The following TCF12 variants were observed in gnomAD, a reference collection of about 807,000 sequenced individuals.
The protein encoded by TCF12 is transcription factor 12, also known as DNA-binding protein HTF4.
A neutral mutation model predicts 86.0 loss-of-function variants in TCF12; 45 were observed. The ratio of observed to expected loss-of-function variants is 0.52; its 90% confidence interval spans 0.41 to 0.67. The LOEUF is 0.67. Ranked by LOEUF, TCF12 falls within the 30% of genes least tolerant of loss-of-function variation. TCF12 has a pLI of 0.00. For synonymous variants in TCF12, 330 were observed against 299.6 expected, an observed-to-expected ratio of 1.10 and a Z score of -1.05; for missense variants, 881 against 859.9, an observed-to-expected ratio of 1.02 and a Z score of -0.31.
intron 3 of TCF12, among the ~76,000 whole-genome samples, chr15:57,026,618 A>G (rs7175983): frequency 0.049 from 7,467 of 152,272 alleles, 383 homozygotes; most frequent in African/African-American, 0.13. Context: ...TTTGCTTTGT[A>G]TGACTCTGCT....
intron 5 of TCF12, among the ~76,000 whole-genome samples, chr15:57,101,623 C>G (rs2049761738): frequency 6.6e-6 from 1 of 152,172 alleles, no homozygotes; most frequent in South Asian, 2.1e-4. Flanking sequence ...GCATATGCAC[C>G]CACACACATA....
At chr15:57,215,678 G>A (rs1295082357) in intron 8 of TCF12, among the ~76,000 whole-genome samples, 1 of 152,126 alleles carries the variant, frequency 6.6e-6, no homozygotes, top group East Asian at 1.9e-4. Flanking sequence ...ACTGGCCTAT[G>A]TTAACTAATT....
chr15:57,128,265 A>C (rs1172189237), intron 5 of TCF12, among the ~76,000 whole-genome samples: 1 of 152,202 alleles, frequency 6.6e-6, no homozygotes, highest in Non-Finnish European at 1.5e-5. Flanking sequence ...AGATGACGAG[A>C]AACAGGTAGC....
At chr15:57,219,701 T>A in intron 8 of TCF12, 1 of 892,264 alleles carries the variant, frequency 1.1e-6, no homozygotes, top group Admixed American at 3.0e-5. Context: ...TTTTATGCAA[T>A]GTATTAGATT....
intron 4 of TCF12, among the ~76,000 whole-genome samples, chr15:57,070,203 T>A (rs1286617880): frequency 6.6e-6 from 1 of 151,930 alleles, no homozygotes; most frequent in Admixed American, 6.6e-5. Context: ...TTTTTTTTTA[T>A]TAAGGGATAG....
intron 3 of TCF12, among the ~76,000 whole-genome samples, chr15:56,982,347 C>A (rs1304901239): frequency 6.6e-6 from 1 of 152,104 alleles, no homozygotes; most frequent in African/African-American, 2.4e-5. Flanking sequence ...TAAAATGCTC[C>A]AAACAAGGTT....
intron 3 of TCF12, among the ~76,000 whole-genome samples, chr15:57,010,761 TC>T (rs1249547581): frequency 6.6e-6 from 1 of 152,172 alleles, no homozygotes; most frequent in African/African-American, 2.4e-5. Context: ...CCAGTCTAGT[TC>T]TAGAAAATGT....
chr15:57,290,479 T>C (rs528009288), downstream of TCF12, among the ~76,000 whole-genome samples: 1 of 152,238 alleles, frequency 6.6e-6, no homozygotes, highest in East Asian at 1.9e-4. Context: ...TTAGGAGATG[T>C]ACCTGTGAAA....
chr15:57,195,935 T>C (rs2057243357), intron 7 of TCF12, among the ~76,000 whole-genome samples: 1 of 152,148 alleles, frequency 6.6e-6, no homozygotes, highest in African/African-American at 2.4e-5. Context: ...GCCCAGGAAT[T>C]CAAGGCTGCA....
chr15:56,989,094 G>T (rs1486601610), intron 3 of TCF12, among the ~76,000 whole-genome samples: 1 of 151,992 alleles, frequency 6.6e-6, no homozygotes, highest in African/African-American at 2.4e-5. Context: ...TTTTGATGTT[G>T]ATTTCCTAGC....
At chr15:57,211,813 G>T (rs1434908948) in intron 8 of TCF12, among the ~76,000 whole-genome samples, 1 of 152,220 alleles carries the variant, frequency 6.6e-6, no homozygotes, top group Admixed American at 6.5e-5. Context: ...ACTTAGCAGG[G>T]TGTGGTAGCA....
At position 57,033,507 on chromosome 15, in the gene TCF12, G is replaced by C. The variant is rs116537711; in HGVS notation, c.149-30243G>C. The stretch of plus-strand genomic sequence containing the variant: ...CCCACATTATTGTCTGAACTGAATC[G>C]AAACTTGGTGTGAGTAGTGGTGGCA... On this transcript the variant is annotated intron_variant, in intron 3 of 20. Coordinates refer to ENST00000333725, the MANE Select transcript of TCF12 (RefSeq NM_207037.2). Among the ~76,000 whole-genome samples, 726 of 152,192 alleles carry C rather than the reference G, an allele frequency of 4.8e-3. 8 individuals carry two copies. The highest frequency in any genetic ancestry group is 0.017 in the African/African-American group (697 of 41,518).
rs2051749669 is a variant in TCF12, at chr15:57,127,441, A to G, written c.325+35550A>G. Among the ~76,000 whole-genome samples, 4 of 152,334 alleles carry G rather than the reference A, an allele frequency of 2.6e-5. No homozygotes were observed. The South Asian group carries it at 8.3e-4, about 32-fold the overall frequency. ...GGTCATTCATAGTTCACACAAGTAA[A>G]GGCAACCTATAATAGAGTAGCGTTT... On this transcript the variant is annotated intron_variant, in intron 5 of 20. Coordinates refer to ENST00000333725, the MANE Select transcript of TCF12 (RefSeq NM_207037.2).
chr15:57,233,535 C>T (rs1234494305), intron 11 of TCF12, among the ~76,000 whole-genome samples: 1 of 152,052 alleles, frequency 6.6e-6, no homozygotes, highest in African/African-American at 2.4e-5. Context: ...CTCACTCTCT[C>T]AGCTCTCTCA....
intron 16 of TCF12, 128 bp downstream of exon 16, chr15:57,253,596 A>C (rs1464809720): frequency 9.0e-7 from 1 of 1,108,182 alleles, no homozygotes; most frequent in Non-Finnish European, 1.3e-6. Context: ...AATTTTCTTT[A>C]CTGTCTTTGG....
At chr15:57,175,552 G>A (rs1265980492) in intron 6 of TCF12, among the ~76,000 whole-genome samples, 3 of 152,100 alleles carry the variant, frequency 2.0e-5, no homozygotes, top group Non-Finnish European at 4.4e-5. Flanking sequence ...TTCGCCAACA[G>A]GATTAATTAA....
At chr15:56,924,941 G>A (rs1434130134) in intron 3 of TCF12, among the ~76,000 whole-genome samples, 5 of 152,202 alleles carry the variant, frequency 3.3e-5, no homozygotes, top group African/African-American at 1.2e-4. Flanking sequence ...GCTCATGCCT[G>A]TAATCCCAGC....
intron 4 of TCF12, among the ~76,000 whole-genome samples, chr15:57,076,992 T>C (rs1471290885): frequency 1.3e-5 from 2 of 152,206 alleles, no homozygotes; most frequent in African/African-American, 2.4e-5. Flanking sequence ...ATCTGGGCTC[T>C]GTATTGTGTT....
At chr15:56,980,412 G>T (rs1172414180) in intron 3 of TCF12, among the ~76,000 whole-genome samples, 2 of 152,180 alleles carry the variant, frequency 1.3e-5, no homozygotes, top group Admixed American at 6.5e-5. Context: ...TGCCGTGTAA[G>T]AATCCGGGCA....
Sources: allele counts gnomAD v4.1 joint callset (sites outside exome capture counted in the v4.1 genomes callset), GRCh38; gene constraint gnomAD v4.1.1; transcripts MANE v1.5; gene names NCBI Gene and HGNC (gene_info 2026-07-23, HGNC 2026-07-21).